EXT1: variants seen among roughly 807,000 people sequenced by gnomAD.
The protein encoded by EXT1 is exostosin glycosyltransferase 1, also known as exostosin-1.
In EXT1, 20 loss-of-function variants were observed where a neutral mutation model predicts 82.5. That is an observed-to-expected ratio of 0.24 (90% CI 0.17 to 0.35). The LOEUF is 0.35. EXT1 is among the 10% of genes least tolerant of loss of function. EXT1 has a pLI of 1.00. For missense variants in EXT1, 757 were observed against 936.5 expected, an observed-to-expected ratio of 0.81 and a Z score of 2.50; for synonymous variants, 348 against 350.8, an observed-to-expected ratio of 0.99 and a Z score of 0.09.
chr8:117,813,521 G>A (rs12542305), intron 7 of EXT1, among the ~76,000 whole-genome samples: 55,323 of 151,912 alleles, frequency 0.36, 10,809 homozygotes, highest in Admixed American at 0.51. Context: ...TTCCAAGTGT[G>A]GACACAAACC....
chr8:118,086,612 T>C (rs1008295720), intron 1 of EXT1, among the ~76,000 whole-genome samples: 6 of 152,218 alleles, frequency 3.9e-5, no homozygotes, highest in Admixed American at 6.5e-5. Context: ...TATTTTAAGC[T>C]GTTCATTCTC....
At chr8:117,933,907 G>A (rs573659602) in intron 1 of EXT1, among the ~76,000 whole-genome samples, 4 of 152,048 alleles carry the variant, frequency 2.6e-5, no homozygotes, top group Non-Finnish European at 4.4e-5. Flanking sequence ...CTGCTGTCCA[G>A]CCTTGCTCCA....
intron 1 of EXT1, among the ~76,000 whole-genome samples, chr8:117,974,045 A>C (rs1815017771): frequency 6.6e-6 from 1 of 152,036 alleles, no homozygotes; most frequent in African/African-American, 2.4e-5. Flanking sequence ...CTTATCAGGA[A>C]AGTTTTAAGG....
chr8:117,978,504 AC>A (rs1815114966), intron 1 of EXT1, among the ~76,000 whole-genome samples: 1 of 152,080 alleles, frequency 6.6e-6, no homozygotes, highest in Non-Finnish European at 1.5e-5. Context: ...AAAATTCATA[AC>A]TTATCTAAAT....
chr8:117,936,490 C>T (rs1273955337), intron 1 of EXT1, among the ~76,000 whole-genome samples: 1 of 152,208 alleles, frequency 6.6e-6, no homozygotes, highest in African/African-American at 2.4e-5. Context: ...CACCAAATTG[C>T]TGATTAACTT....
chr8:117,965,455 G>C (rs1352821520), intron 1 of EXT1, among the ~76,000 whole-genome samples: 2 of 151,824 alleles, frequency 1.3e-5, no homozygotes, highest in Non-Finnish European at 2.9e-5. Context: ...AAACAAGGGG[G>C]AATTACCTTG....
intron 1 of EXT1, among the ~76,000 whole-genome samples, chr8:117,984,953 C>T (rs920616726): frequency 1.3e-5 from 2 of 152,170 alleles, no homozygotes; most frequent in African/African-American, 2.4e-5. Flanking sequence ...AGGAACGCTA[C>T]GGACGGGCAG....
intron 1 of EXT1, among the ~76,000 whole-genome samples, chr8:117,932,867 TAGAGCTGGCTGCCAGGGCAGCACTC>T (rs141762101): frequency 0.044 from 6,759 of 152,288 alleles, 497 homozygotes; most frequent in African/African-American, 0.15. Context: ...CAGTGAAGCC[TAGAGCTGGCTGCCAGGGCAGCACTC>T]AGAGTGGCTG....
chr8:118,036,708 T>C (rs1816425265), intron 1 of EXT1, among the ~76,000 whole-genome samples: 1 of 152,152 alleles, frequency 6.6e-6, no homozygotes, highest in African/African-American at 2.4e-5. Context: ...GGGTCCATGA[T>C]AGAGTAGAAA....
At chr8:117,946,522 CA>C (rs1366061185) in intron 1 of EXT1, among the ~76,000 whole-genome samples, 1 of 152,140 alleles carries the variant, frequency 6.6e-6, no homozygotes, top group Non-Finnish European at 1.5e-5. Flanking sequence ...ACAGACAGAC[CA>C]GGGCCTGCCA....
chr8:118,044,355 G>A (rs1433673846), intron 1 of EXT1, among the ~76,000 whole-genome samples: 1 of 151,902 alleles, frequency 6.6e-6, no homozygotes, highest in East Asian at 1.9e-4. Context: ...CCAAGGGTCA[G>A]AAAACCTAGA....
chr8:117,963,609 G>A (rs1160403860), intron 1 of EXT1, among the ~76,000 whole-genome samples: 1 of 152,002 alleles, frequency 6.6e-6, no homozygotes, highest in East Asian at 1.9e-4. Context: ...TCTTGCCTCC[G>A]CCTCCTAAAT....
At chr8:118,048,481 T>C (rs1240774950) in intron 1 of EXT1, among the ~76,000 whole-genome samples, 1 of 152,114 alleles carries the variant, frequency 6.6e-6, no homozygotes, top group African/African-American at 2.4e-5. Flanking sequence ...ATTTTAACCC[T>C]CCCTTTCCAA....
intron 1 of EXT1, among the ~76,000 whole-genome samples, chr8:118,045,971 T>C (rs1816616075): frequency 6.6e-6 from 1 of 151,986 alleles, no homozygotes. Flanking sequence ...AATTTTTGTA[T>C]TTTTAGTAGA....
chr8:118,020,059 G>T (rs1816073154), intron 1 of EXT1, among the ~76,000 whole-genome samples: 1 of 152,022 alleles, frequency 6.6e-6, no homozygotes, highest in Admixed American at 6.6e-5. Context: ...TTATTTTACT[G>T]GTCTTCCAAT....
At chr8:117,898,312 C>T (rs866449586) in intron 1 of EXT1, among the ~76,000 whole-genome samples, 3 of 152,162 alleles carry the variant, frequency 2.0e-5, no homozygotes, top group Admixed American at 1.3e-4. Flanking sequence ...GGAGGAAGTA[C>T]CTTCCTGTGG....
At chr8:118,059,716 T>C (rs915909708) in intron 1 of EXT1, among the ~76,000 whole-genome samples, 16 of 152,234 alleles carry the variant, frequency 1.1e-4, no homozygotes, top group Non-Finnish European at 2.1e-4. Context: ...TCACTTTCCT[T>C]CAAGACCTTT....
At chr8:118,072,922 T>C (rs1817123411) in intron 1 of EXT1, among the ~76,000 whole-genome samples, 1 of 152,164 alleles carries the variant, frequency 6.6e-6, no homozygotes, top group Non-Finnish European at 1.5e-5. Flanking sequence ...CAGAGATGAA[T>C]TGAAGGGTTC....
chr8:118,064,883 A>C (rs1399968074), intron 1 of EXT1, among the ~76,000 whole-genome samples: 3 of 131,088 alleles, frequency 2.3e-5, no homozygotes, highest in Admixed American at 1.7e-4. Context: ...TCTGAGATGG[A>C]GTCTGTCACC....
Sources: gnomAD v4.1 joint callset for allele counts (sites outside exome capture counted in the v4.1 genomes callset) on GRCh38, gnomAD v4.1.1 for gene constraint, MANE v1.5 for transcripts, NCBI Gene and HGNC (gene_info 2026-07-23, HGNC 2026-07-21) for gene names.